Variants in KHDRBS2 observed in about 807,000 individuals in gnomAD.
KHDRBS2 encodes KH domain-containing, RNA-binding, signal transduction-associated protein 2.
Under a neutral mutation model 44.3 loss-of-function variants are expected in KHDRBS2, and 26 were observed. The observed-to-expected ratio is 0.59, with a 90% CI of 0.43 to 0.81. The LOEUF (loss-of-function observed/expected upper bound fraction) is 0.81. Ranked by LOEUF, KHDRBS2 falls within the 40% of genes least tolerant of loss-of-function variation. The pLI, the probability that KHDRBS2 is intolerant of heterozygous loss-of-function variation, is 0.00. For synonymous variants in KHDRBS2, 194 were observed against 151.1 expected (o/e 1.28, Z -2.08); for missense variants, 476 against 433.1 (o/e 1.10, Z -0.88).
chr6:62,177,851 A>G (rs1821454391), intron 1 of KHDRBS2, among the ~76,000 whole-genome samples: 1 of 151,458 alleles, frequency 6.6e-6, no homozygotes, highest in African/African-American at 2.4e-5. Context: ...TTAAATCTAT[A>G]AATGCTAACA....
intron 1 of KHDRBS2, among the ~76,000 whole-genome samples, chr6:62,253,689 AT>A (rs1836917066): frequency 6.6e-6 from 1 of 151,976 alleles, no homozygotes; most frequent in Non-Finnish European, 1.5e-5. Flanking sequence ...ATTTGTAATG[AT>A]TTTTACTGTA....
chr6:62,108,711 T>G (rs891748171), intron 2 of KHDRBS2, among the ~76,000 whole-genome samples: 1 of 152,108 alleles, frequency 6.6e-6, no homozygotes, highest in African/African-American at 2.4e-5. Flanking sequence ...TGTCCAACAA[T>G]GATAGACTGG....
intron 6 of KHDRBS2, among the ~76,000 whole-genome samples, chr6:61,759,091 T>C (rs1434885806): frequency 6.6e-6 from 1 of 152,150 alleles, no homozygotes; most frequent in Non-Finnish European, 1.5e-5. Context: ...AAATGTTTGA[T>C]TTTCAAAGGA....
intron 2 of KHDRBS2, among the ~76,000 whole-genome samples, chr6:62,078,910 A>G (rs1796860622): frequency 6.6e-6 from 1 of 152,040 alleles, no homozygotes; most frequent in African/African-American, 2.4e-5. Flanking sequence ...ACTTGCTCTT[A>G]GAGAAGTCAG....
At chr6:61,874,039 T>TAA (rs1479688808) in intron 6 of KHDRBS2, among the ~76,000 whole-genome samples, 2 of 152,224 alleles carry the variant, frequency 1.3e-5, no homozygotes, top group Admixed American at 6.5e-5. Context: ...TCTCTATATA[T>TAA]AATTCTTCAC....
At position 62,140,709 on chromosome 6, in the gene KHDRBS2, C is replaced by T. The variant is rs59822184; in HGVS notation, c.219+36476G>A. Among the ~76,000 whole-genome samples, 548 of 152,174 alleles carry T rather than the reference C, an allele frequency of 3.6e-3. 2 individuals carry two copies. Among genetic ancestry groups the T allele is most frequent in the African/African-American group, 0.013 (531 of 41,512 alleles). Reference sequence around the variant, plus strand: ...AACCTCTGTTATTGAGTGTTACATGCGTGCCATGGATTAAGAATGTAACTC... The same window carrying T: ...AACCTCTGTTATTGAGTGTTACATGTGTGCCATGGATTAAGAATGTAACTC... On this transcript the variant is annotated intron_variant, in intron 2 of 8. Coordinates refer to ENST00000281156, the MANE Select transcript of KHDRBS2 (RefSeq NM_152688.4).
intron 4 of KHDRBS2, among the ~76,000 whole-genome samples, chr6:61,937,750 C>T (rs1272926261): frequency 6.6e-6 from 1 of 152,038 alleles, no homozygotes; most frequent in Non-Finnish European, 1.5e-5. Flanking sequence ...CTCTTAGATA[C>T]AAGAAGCCTA....
intron 6 of KHDRBS2, among the ~76,000 whole-genome samples, chr6:61,869,657 G>T (rs1450985444): frequency 6.6e-6 from 1 of 152,158 alleles, no homozygotes; most frequent in Non-Finnish European, 1.5e-5. Flanking sequence ...TTCCAACTGA[G>T]GTACCTGGTT....
the KHDRBS2 span, among the ~76,000 whole-genome samples, chr6:61,593,845 C>T: frequency 2.6e-5 from 4 of 152,020 alleles, no homozygotes; most frequent in Non-Finnish European, 5.9e-5. Flanking sequence ...AGGTCAGAAA[C>T]TATGTAAAGG....
At chr6:61,824,149 C>A (rs1225389299) in intron 6 of KHDRBS2, among the ~76,000 whole-genome samples, 3 of 152,050 alleles carry the variant, frequency 2.0e-5, no homozygotes, top group Non-Finnish European at 2.9e-5. Context: ...AGCTTATGCT[C>A]CAATTTTTAT....
chr6:62,158,683 T>C (rs1379083066), intron 2 of KHDRBS2, among the ~76,000 whole-genome samples: 1 of 152,184 alleles, frequency 6.6e-6, no homozygotes, highest in Non-Finnish European at 1.5e-5. Flanking sequence ...GTTTCTCTTA[T>C]TGAGAGAACT....
intron 6 of KHDRBS2, among the ~76,000 whole-genome samples, chr6:61,855,889 C>A (rs1485658411): frequency 6.6e-6 from 1 of 151,990 alleles, no homozygotes; most frequent in Non-Finnish European, 1.5e-5. Flanking sequence ...TGCATTTTTC[C>A]CTTTCTCTCA....
rs72296296 is a variant in KHDRBS2 at position 61,967,957 on chromosome 6, TACAC to T, written c.483+10105_483+10108del. 1.5e-4 allele frequency among the ~76,000 whole-genome samples: 11 copies of T among 73,586 alleles called. 1 individual carries two copies. The highest frequency in any genetic ancestry group is 1.3e-3 in the Admixed American group (8 of 6,198). The allele number at this position is 73,586 out of a possible 152,430, so 48.3% of individuals were successfully genotyped here. ...GTATATATATATATATATATATATATACACACACACACACATGCACACACACACA... is the reference window on the plus strand; with the variant it reads ...GTATATATATATATATATATATATATACACACACACATGCACACACACACA... On this transcript the variant is annotated intron_variant, in intron 4 of 8. Coordinates refer to ENST00000281156, the MANE Select transcript of KHDRBS2 (RefSeq NM_152688.4).
intron 1 of KHDRBS2, among the ~76,000 whole-genome samples, chr6:62,244,789 C>T (rs1161466509): frequency 6.6e-6 from 1 of 152,030 alleles, no homozygotes; most frequent in Non-Finnish European, 1.5e-5. Flanking sequence ...TAGAATGTCA[C>T]CTCTAAGGAA....
chr6:62,057,884 A>G (rs1478666130), intron 2 of KHDRBS2, among the ~76,000 whole-genome samples: 1 of 151,936 alleles, frequency 6.6e-6, no homozygotes, highest in Non-Finnish European at 1.5e-5. Flanking sequence ...AAGCAACAAA[A>G]CATAATTGGT....
intron 4 of KHDRBS2, among the ~76,000 whole-genome samples, chr6:61,905,740 C>T (rs1029724368): frequency 2.6e-5 from 4 of 151,774 alleles, no homozygotes; most frequent in South Asian, 4.2e-4. Flanking sequence ...GTTAAATTAC[C>T]CAGATTTTTA....
At chr6:61,964,084 C>G (rs2127394868) in intron 4 of KHDRBS2, among the ~76,000 whole-genome samples, 1 of 152,072 alleles carries the variant, frequency 6.6e-6, no homozygotes, top group Middle Eastern at 3.4e-3. Flanking sequence ...TATCACAGTA[C>G]AAAATATCGG....
the KHDRBS2 span, among the ~76,000 whole-genome samples, chr6:61,663,268 G>C: frequency 1.4e-5 from 1 of 72,676 alleles, no homozygotes; most frequent in African/African-American, 5.5e-5. Flanking sequence ...GGGGAGGGGG[G>C]AGGGATTGCA....
chr6:61,861,075 T>G (rs1349491048), intron 6 of KHDRBS2, among the ~76,000 whole-genome samples: 1 of 151,906 alleles, frequency 6.6e-6, no homozygotes, highest in Admixed American at 6.6e-5. Flanking sequence ...TTTTTTTCTT[T>G]TAAATTAGTT....
Sources: allele counts gnomAD v4.1 joint callset (sites outside exome capture counted in the v4.1 genomes callset), GRCh38; gene constraint gnomAD v4.1.1; transcripts MANE v1.5; gene names NCBI Gene and HGNC (gene_info 2026-07-23, HGNC 2026-07-21).